EHBP1: variants seen among roughly 807,000 people sequenced by gnomAD.
EHBP1 encodes EH domain-binding protein 1.
Under a neutral mutation model 144.0 loss-of-function variants are expected in EHBP1, and 55 were observed. The ratio of observed to expected loss-of-function variants is 0.38; its 90% CI spans 0.31 to 0.48. The LOEUF is 0.48. Among genes scored for constraint, EHBP1 ranks in the 20% least tolerant of loss-of-function variants. EHBP1 has a pLI of 0.98. For missense variants in EHBP1, 1,200 were observed against 1,364.2 expected, an observed-to-expected ratio of 0.88 and a Z score of 1.90; for synonymous variants, 469 against 472.7, an observed-to-expected ratio of 0.99 and a Z score of 0.10.
At chr2:62,989,920 A>G (rs1404645403) in intron 15 of EHBP1, among the ~76,000 whole-genome samples, 1 of 152,204 alleles carries the variant, frequency 6.6e-6, no homozygotes, top group Non-Finnish European at 1.5e-5. Flanking sequence ...ACCAATTTGC[A>G]TGAAAGTAAT....
chr2:62,742,026 ATACT>A (rs1265855743), intron 2 of EHBP1, among the ~76,000 whole-genome samples: 1 of 152,140 alleles, frequency 6.6e-6, no homozygotes, highest in African/African-American at 2.4e-5. Context: ...AGATACACAA[ATACT>A]TAACCATTAT....
At chr2:63,010,222 T>A (rs1275696967) in intron 19 of EHBP1, among the ~76,000 whole-genome samples, 1 of 151,466 alleles carries the variant, frequency 6.6e-6, no homozygotes, top group African/African-American at 2.4e-5. Context: ...TCATCTAGTA[T>A]AGACCTTTTA....
intron 10 of EHBP1, among the ~76,000 whole-genome samples, chr2:62,879,435 G>A (rs1373858887): frequency 6.6e-6 from 1 of 151,858 alleles, no homozygotes; most frequent in Admixed American, 6.6e-5. Context: ...CTTCAGTAAG[G>A]TTTCAGGATA....
chr2:62,831,920 C>T (rs1449314893), intron 7 of EHBP1, among the ~76,000 whole-genome samples: 1 of 152,096 alleles, frequency 6.6e-6, no homozygotes, highest in African/African-American at 2.4e-5. Flanking sequence ...TCAACTCTTG[C>T]TATCATGTGG....
intron 1 of EHBP1, among the ~76,000 whole-genome samples, chr2:62,675,943 A>G (rs1379346086): frequency 6.6e-6 from 1 of 152,114 alleles, no homozygotes; most frequent in African/African-American, 2.4e-5. Context: ...TTTGGTAGAG[A>G]AGGGGTTTCA....
chr2:62,749,381 A>G (rs1307411003), intron 3 of EHBP1, among the ~76,000 whole-genome samples: 1 of 152,194 alleles, frequency 6.6e-6, no homozygotes, highest in African/African-American at 2.4e-5. Flanking sequence ...AATCCAGTCT[A>G]TCATTAATGG....
intron 2 of EHBP1, among the ~76,000 whole-genome samples, chr2:62,722,012 T>C (rs554827243): frequency 6.6e-6 from 1 of 152,214 alleles, no homozygotes; most frequent in East Asian, 1.9e-4. Flanking sequence ...CCATATTTGC[T>C]TTATCAATCT....
chr2:62,696,469 TTC>T (rs1446566740), intron 1 of EHBP1, among the ~76,000 whole-genome samples: 17 of 150,704 alleles, frequency 1.1e-4, no homozygotes, highest in Middle Eastern at 3.2e-3. Flanking sequence ...TTCCTTTTTC[TTC>T]TCTTTTTTCT....
rs546162730 is a variant in EHBP1, at chr2:62,770,360, G to A, written c.259-979G>A. On this transcript the variant is annotated intron_variant, in intron 4 of 22. Coordinates refer to ENST00000431489, the MANE Select transcript of EHBP1 (RefSeq NM_001142616.3). Reference sequence around the variant, plus strand: ...CCATTAAAAAGTGGGCAAAGGACACGAACAGGCACATTTCAAAAAACATAC... The same window carrying A: ...CCATTAAAAAGTGGGCAAAGGACACAAACAGGCACATTTCAAAAAACATAC... 1.2e-4 allele frequency among the ~76,000 whole-genome samples: 18 copies of A among 152,142 alleles called. No individual in the cohort carries two copies. The South Asian group carries it at 2.9e-3, about 25-fold the overall frequency.
intron 7 of EHBP1, among the ~76,000 whole-genome samples, chr2:62,857,633 T>C (rs1044152225): frequency 1.3e-5 from 2 of 152,188 alleles, no homozygotes; most frequent in African/African-American, 4.8e-5. Context: ...TTTGGAAATA[T>C]CAGGAATTAC....
At chr2:62,838,142 C>G (rs557269699) in intron 7 of EHBP1, among the ~76,000 whole-genome samples, 25 of 151,830 alleles carry the variant, frequency 1.6e-4, no homozygotes, top group Middle Eastern at 6.8e-3. Context: ...CAAACTATCT[C>G]TCAGACCACA....
At chr2:62,934,756 A>G (rs899746898) in intron 10 of EHBP1, among the ~76,000 whole-genome samples, 1 of 152,170 alleles carries the variant, frequency 6.6e-6, no homozygotes, top group Non-Finnish European at 1.5e-5. Context: ...TTGTTTTTCA[A>G]TAGGGATATG....
chr2:62,903,934 T>G (rs1220657965), intron 10 of EHBP1, among the ~76,000 whole-genome samples: 2 of 152,216 alleles, frequency 1.3e-5, no homozygotes, highest in African/African-American at 4.8e-5. Context: ...AGTGATCATT[T>G]AAAACCTGAG....
At chr2:62,836,008 C>T (rs1264569172) in intron 7 of EHBP1, among the ~76,000 whole-genome samples, 1 of 151,864 alleles carries the variant, frequency 6.6e-6, no homozygotes, top group South Asian at 2.1e-4. Flanking sequence ...AGGAGGCCTG[C>T]CTGCCTCTGT....
At chr2:62,835,293 A>AT (rs2047125893) in intron 7 of EHBP1, among the ~76,000 whole-genome samples, 1 of 151,512 alleles carries the variant, frequency 6.6e-6, no homozygotes, top group Non-Finnish European at 1.5e-5. Context: ...GGCTTTTCTT[A>AT]TTTTTTCCAC....
chr2:62,866,741 A>G (rs1363643519), intron 9 of EHBP1, among the ~76,000 whole-genome samples: 2 of 152,176 alleles, frequency 1.3e-5, no homozygotes, highest in Non-Finnish European at 2.9e-5. Flanking sequence ...CTGTGGAACA[A>G]CTTCAGTGGC....
intron 10 of EHBP1, among the ~76,000 whole-genome samples, chr2:62,880,442 C>T (rs1037597882): frequency 6.6e-6 from 1 of 151,618 alleles, no homozygotes; most frequent in African/African-American, 2.4e-5. Flanking sequence ...AAAACAAAAA[C>T]TCTTGCCAGA....
chr2:63,005,783 T>C (rs1364619028), intron 19 of EHBP1, among the ~76,000 whole-genome samples: 3 of 152,064 alleles, frequency 2.0e-5, no homozygotes, highest in African/African-American at 4.8e-5. Context: ...CACATTATTA[T>C]ATTTATTCAG....
At chr2:62,843,295 G>C (rs1028856546) in intron 7 of EHBP1, among the ~76,000 whole-genome samples, 1 of 152,110 alleles carries the variant, frequency 6.6e-6, no homozygotes, top group Admixed American at 6.6e-5. Flanking sequence ...GGCTTATCTT[G>C]TTCCATTTGA....
Sources: allele counts gnomAD v4.1 joint callset (sites outside exome capture counted in the v4.1 genomes callset), GRCh38; gene constraint gnomAD v4.1.1; transcripts MANE v1.5; gene names NCBI Gene and HGNC (gene_info 2026-07-23, HGNC 2026-07-21).